Variants in THRB observed in about 807,000 individuals in gnomAD.
The protein encoded by THRB is thyroid hormone receptor beta.
Under a neutral mutation model 47.8 loss-of-function variants are expected in THRB, and 12 were observed. The observed-to-expected ratio is 0.25, with a 90% CI of 0.16 to 0.41. The LOEUF (loss-of-function observed/expected upper bound fraction) is 0.41, where lower values mean the gene tolerates loss of function less well. THRB is among the 10% of genes least tolerant of loss of function. The probability of loss-of-function intolerance (pLI) is 1.00; values close to 1 mark genes in which losing one functional copy is unlikely to be tolerated. For synonymous variants in THRB, 218 were observed against 212.2 expected, an observed-to-expected ratio of 1.03 and a Z score of -0.24; for missense variants, 348 against 589.2, an observed-to-expected ratio of 0.59 and a Z score of 4.24.
At chr3:24,495,658 G>A (rs1698904317), upstream of THRB, 1 of 152,270 alleles carries the variant, frequency 6.6e-6, no homozygotes, top group Non-Finnish European at 1.5e-5. Flanking sequence ...AGTGACACCG[G>A]GACCGGAGGG....
In THRB at chr3:24,133,464, T is replaced by G. The variant is rs2034170185; in HGVS notation, c.739-2A>C. On this transcript the variant is annotated splice_acceptor_variant, in intron 8 of 10. Transcript: ENST00000646209. LOFTEE classifies it high-confidence loss of function. ...TGGTGCTTGTCCAATGTCTTCTGGC[T>G]AAGGAGGAGAAAAAAGAAAGATTTA... The G allele has an allele frequency of 6.2e-7, 1 of 1,613,832 alleles. No homozygotes were observed. Among genetic ancestry groups the G allele is most frequent in the African/African-American group, 1.3e-5 (1 of 74,896 alleles).
At chr3:24,228,596 G>A (rs2047922046) in intron 4 of THRB, among the ~76,000 whole-genome samples, 1 of 142,444 alleles carries the variant, frequency 7.0e-6, no homozygotes, top group African/African-American at 2.6e-5. Flanking sequence ...GTGCACCACT[G>A]CACTCCAGCC....
chr3:24,353,683 T>C (rs1169135398), intron 1 of THRB, among the ~76,000 whole-genome samples: 1 of 152,108 alleles, frequency 6.6e-6, no homozygotes, highest in South Asian at 2.1e-4. Flanking sequence ...TATTAGGCGA[T>C]TCCATATGAT....
At chr3:24,314,328 T>C (rs1262500458) in intron 2 of THRB, among the ~76,000 whole-genome samples, 2 of 152,216 alleles carry the variant, frequency 1.3e-5, no homozygotes, top group African/African-American at 4.8e-5. Flanking sequence ...CCTAGTTCCA[T>C]TGCAGCAATA....
At chr3:24,255,872 T>C (rs1014872039) in intron 3 of THRB, among the ~76,000 whole-genome samples, 2 of 152,140 alleles carry the variant, frequency 1.3e-5, no homozygotes, top group Admixed American at 6.5e-5. Flanking sequence ...ATGATTAGAT[T>C]TACATTTCAA....
intron 4 of THRB, among the ~76,000 whole-genome samples, chr3:24,217,042 C>T (rs1222151919): frequency 6.7e-6 from 1 of 149,960 alleles, no homozygotes; most frequent in Non-Finnish European, 1.5e-5. Context: ...TTTCTCAACC[C>T]TAAGTAGGAA....
At chr3:24,274,379 G>C (rs567622948) in intron 3 of THRB, among the ~76,000 whole-genome samples, 148 of 152,214 alleles carry the variant, frequency 9.7e-4, no homozygotes, top group African/African-American at 3.5e-3. Flanking sequence ...ACCTAGGGAA[G>C]CAAAATAGTG....
intron 2 of THRB, among the ~76,000 whole-genome samples, chr3:24,307,267 A>T (rs1276992713): frequency 1.3e-5 from 2 of 152,062 alleles, no homozygotes; most frequent in Admixed American, 1.3e-4. Flanking sequence ...ATTTGTTTAG[A>T]ACATAAAAGG....
chr3:24,216,727 G>A (rs369019269), intron 4 of THRB, among the ~76,000 whole-genome samples: 1 of 152,196 alleles, frequency 6.6e-6, no homozygotes, highest in Non-Finnish European at 1.5e-5. Flanking sequence ...TATCTGAGAT[G>A]CTCAAAAATG....
At chr3:24,160,852 A>G (rs972501220) in intron 5 of THRB, among the ~76,000 whole-genome samples, 1 of 152,224 alleles carries the variant, frequency 6.6e-6, no homozygotes, top group Admixed American at 6.5e-5. Context: ...GCAGAAAGTC[A>G]GCAGTCTCAC....
intron 1 of THRB, among the ~76,000 whole-genome samples, chr3:24,409,831 T>G (rs1174008631): frequency 6.6e-6 from 1 of 151,846 alleles, no homozygotes; most frequent in African/African-American, 2.4e-5. Context: ...ATTCCATATG[T>G]TCCTGAACTC....
At chr3:24,212,475 C>T (rs182482779) in intron 4 of THRB, among the ~76,000 whole-genome samples, 117 of 140,380 alleles carry the variant, frequency 8.3e-4, no homozygotes, top group Admixed American at 1.5e-3. Context: ...CCAGCTACTC[C>T]GGAGGCTGAG....
At chr3:24,253,611 G>T (rs2050892550) in intron 3 of THRB, among the ~76,000 whole-genome samples, 1 of 152,178 alleles carries the variant, frequency 6.6e-6, no homozygotes, top group South Asian at 2.1e-4. Flanking sequence ...CTCTGCTCCA[G>T]GACGGAATTG....
intron 2 of THRB, among the ~76,000 whole-genome samples, chr3:24,307,073 A>C (rs2057397040): frequency 6.6e-6 from 1 of 151,778 alleles, no homozygotes; most frequent in Non-Finnish European, 1.5e-5. Context: ...ATAAAATATT[A>C]ATGTTACTTT....
chr3:24,236,051 C>G (rs1246048017), intron 3 of THRB, among the ~76,000 whole-genome samples: 1 of 152,114 alleles, frequency 6.6e-6, no homozygotes, highest in African/African-American at 2.4e-5. Context: ...GGCTGTCCCC[C>G]TAGGTGGGCT....
At chr3:24,340,879 G>T (rs982333096) in intron 1 of THRB, among the ~76,000 whole-genome samples, 2 of 151,938 alleles carry the variant, frequency 1.3e-5, no homozygotes, top group Non-Finnish European at 2.9e-5. Context: ...ATATATCTTG[G>T]GTAGGTAAAG....
chr3:24,468,736 CACCATA>C (rs2074337912), intron 1 of THRB, among the ~76,000 whole-genome samples: 1 of 152,138 alleles, frequency 6.6e-6, no homozygotes, highest in Non-Finnish European at 1.5e-5. Flanking sequence ...GATCATGGAT[CACCATA>C]ACAGATACAA....
intron 1 of THRB, among the ~76,000 whole-genome samples, chr3:24,464,243 CAA>C (rs765631130): frequency 4.0e-5 from 3 of 74,442 alleles, no homozygotes. Context: ...GACTCCGTCT[CAA>C]AAAAAAAAAG....
intron 1 of THRB, chr3:24,493,962 T>C (rs1291557000): frequency 2.0e-5 from 3 of 152,176 alleles, no homozygotes; most frequent in African/African-American, 7.2e-5. Context: ...TTGGCACAAT[T>C]GGTATCACAA....
Sources: gnomAD v4.1 joint callset for allele counts (sites outside exome capture counted in the v4.1 genomes callset) on GRCh38, gnomAD v4.1.1 for gene constraint, MANE v1.5 for transcripts, NCBI Gene and HGNC (gene_info 2026-07-23, HGNC 2026-07-21) for gene names.